Variants in MFHAS1 observed in about 807,000 individuals in gnomAD.
MFHAS1 encodes malignant fibrous histiocytoma-amplified sequence 1.
MFHAS1 carries 50 observed loss-of-function variants against 70.4 expected under a neutral mutation model. The ratio of observed to expected loss-of-function variants is 0.71; its 90% confidence interval spans 0.57 to 0.90. The LOEUF is 0.90. MFHAS1 is among the 40% of genes least tolerant of loss of function. The pLI, the probability that MFHAS1 is intolerant of heterozygous loss-of-function variation, is 0.00. For synonymous variants in MFHAS1, 952 were observed against 620.0 expected (o/e 1.54, Z -7.96); for missense variants, 1,795 against 1,347.6 (o/e 1.33, Z -5.20).
intron 1 of MFHAS1, among the ~76,000 whole-genome samples, chr8:8,842,330 C>T (rs1585046594): frequency 6.6e-6 from 1 of 152,062 alleles, no homozygotes; most frequent in South Asian, 2.1e-4. Flanking sequence ...GGATTACAGG[C>T]ACCCACCACC....
intron 1 of MFHAS1, among the ~76,000 whole-genome samples, chr8:8,838,260 G>C (rs1313039331): frequency 6.6e-6 from 1 of 152,212 alleles, no homozygotes; most frequent in African/African-American, 2.4e-5. Context: ...GCATGAGGGA[G>C]GCCTGGCTGG....
At chr8:8,790,469 G>A (rs1805683932) in intron 2 of MFHAS1, 4 of 672,614 alleles carry the variant, frequency 5.9e-6, no homozygotes, top group Non-Finnish European at 7.3e-6. Flanking sequence ...GTATCAATGT[G>A]GCTGACGGGA....
At chr8:8,802,647 T>C (rs867261703) in intron 1 of MFHAS1, among the ~76,000 whole-genome samples, 17 of 152,286 alleles carry the variant, frequency 1.1e-4, no homozygotes, top group Admixed American at 3.9e-4. Context: ...AGCAGCTCCT[T>C]GCATGGTGGA....
chr8:8,861,069 G>C (rs1808641896), intron 1 of MFHAS1, among the ~76,000 whole-genome samples: 1 of 152,136 alleles, frequency 6.6e-6, no homozygotes, highest in Non-Finnish European at 1.5e-5. Flanking sequence ...CGTTTCTTGG[G>C]CTGAGGTAAT....
At chr8:8,865,093 T>C (rs1019276502) in intron 1 of MFHAS1, among the ~76,000 whole-genome samples, 1 of 151,924 alleles carries the variant, frequency 6.6e-6, no homozygotes, top group Non-Finnish European at 1.5e-5. Context: ...CTGGCCAACA[T>C]GGTGAAACCC....
intron 1 of MFHAS1, among the ~76,000 whole-genome samples, chr8:8,828,992 C>T (rs1034529283): frequency 6.6e-6 from 1 of 152,196 alleles, no homozygotes; most frequent in African/African-American, 2.4e-5. Context: ...CAGCAGCCTT[C>T]TTCCTACAAT....
chr8:8,834,451 C>T (rs1807525830), intron 1 of MFHAS1, among the ~76,000 whole-genome samples: 1 of 152,222 alleles, frequency 6.6e-6, no homozygotes, highest in Non-Finnish European at 1.5e-5. Flanking sequence ...GTGCCCTATA[C>T]AAGTGCACCA....
intron 2 of MFHAS1, among the ~76,000 whole-genome samples, chr8:8,796,454 C>T (rs1360853140): frequency 6.6e-6 from 1 of 152,164 alleles, no homozygotes; most frequent in Middle Eastern, 3.2e-3. Flanking sequence ...GAGGCCAAGA[C>T]GGGCGGATCC....
In MFHAS1 at chr8:8,785,197, A is replaced by G. The variant is rs1805495682; in HGVS notation, c.*825T>C. On this transcript the variant is annotated 3_prime_UTR_variant, in exon 3 of 3. Coordinates refer to ENST00000276282, the MANE Select transcript of MFHAS1 (RefSeq NM_004225.3). ...CCTCTTTGGCCCCTGAGTGTGCCCC[A>G]TCTCTGCCCAGCACTAATAACACGT... 1 of 152,160 alleles carries G rather than the reference A, an allele frequency of 6.6e-6. No individual in the cohort carries two copies. Among genetic ancestry groups the G allele is most frequent in the Admixed American group, 6.5e-5 (1 of 15,274 alleles). 9.4% of individuals were successfully genotyped at this position (152,160 alleles called of 1,614,324 possible).
At chr8:8,810,108 T>G (rs1051517253) in intron 1 of MFHAS1, among the ~76,000 whole-genome samples, 2 of 152,210 alleles carry the variant, frequency 1.3e-5, no homozygotes, top group Non-Finnish European at 2.9e-5. Context: ...GGCTCGCGCC[T>G]GTAATCCCAT....
Position 8,892,657 on chromosome 8 carries a change from C to G in MFHAS1, c.402G>C (p.Leu134=), listed in dbSNP as rs1266900859. 6.3e-7 allele frequency: 1 copy of G among 1,591,376 alleles called. No homozygotes were observed. The highest frequency in any genetic ancestry group is 8.5e-7 in the Non-Finnish European group (1 of 1,169,630). Residue 134 remains leucine, a synonymous_variant, in exon 1 of 3, where the codon CTG becomes CTC. Transcript: ENST00000276282. The surrounding 1 kb of genome is among the most constrained non-coding windows in gnomAD (Gnocchi z 4.7). Reference sequence around the variant, plus strand: ...TGAGGTTGAGCTTCCGCAGCTCCCTCAGAGCACTCACCACCTCCGCGCCCA... The same window carrying G: ...TGAGGTTGAGCTTCCGCAGCTCCCTGAGAGCACTCACCACCTCCGCGCCCA... ...TALGAEVVSA[L]RELRKLNLSH...
At chr8:8,817,747 T>C (rs140059421) in intron 1 of MFHAS1, among the ~76,000 whole-genome samples, 1 of 152,350 alleles carries the variant, frequency 6.6e-6, no homozygotes, top group East Asian at 1.9e-4. Flanking sequence ...CCACTTCAGA[T>C]CATTAGGCAT....
Position 8,835,142 on chromosome 8 carries a change from C to T in MFHAS1, c.2999-37651G>A, listed in dbSNP as rs576469115. On this transcript the variant is annotated intron_variant, in intron 1 of 2. Transcript: ENST00000276282. Reference sequence around the variant, plus strand: ...GACAGAAAGCAGATGAGTGGTTGTTCGAGGGTGAGCATTAGGGGAGTGAGG... The same window carrying T: ...GACAGAAAGCAGATGAGTGGTTGTTTGAGGGTGAGCATTAGGGGAGTGAGG... Among the ~76,000 whole-genome samples the T allele has an allele frequency of 1.3e-4, 19 of 151,862 alleles. No individual in the cohort carries two copies. In the East Asian group the frequency reaches 2.7e-3, roughly 22 times the overall value.
chr8:8,789,748 C>T (rs116998288), intron 2 of MFHAS1, among the ~76,000 whole-genome samples: 193 of 152,292 alleles, frequency 1.3e-3, no homozygotes, highest in Non-Finnish European at 2.3e-3. Flanking sequence ...CCAATACAAA[C>T]CAACTAATCC....
intron 1 of MFHAS1, among the ~76,000 whole-genome samples, chr8:8,878,220 G>C: frequency 6.6e-6 from 1 of 152,170 alleles, no homozygotes; most frequent in East Asian, 1.9e-4. Flanking sequence ...AGGTGAGCTG[G>C]TGTACTCTGG....
chr8:8,834,641 G>A (rs897762202), intron 1 of MFHAS1, among the ~76,000 whole-genome samples: 1 of 152,222 alleles, frequency 6.6e-6, no homozygotes, highest in Non-Finnish European at 1.5e-5. Flanking sequence ...GTTGTAACAT[G>A]TAAGTTATGT....
intron 1 of MFHAS1, among the ~76,000 whole-genome samples, chr8:8,842,708 G>A (rs1250121153): frequency 1.3e-5 from 2 of 152,218 alleles, no homozygotes; most frequent in Admixed American, 6.5e-5. Flanking sequence ...CATCCATTTT[G>A]AGCAAGGTGC....
chr8:8,886,173 T>C (rs1184676271), intron 1 of MFHAS1, among the ~76,000 whole-genome samples: 1 of 152,114 alleles, frequency 6.6e-6, no homozygotes, highest in Non-Finnish European at 1.5e-5. Flanking sequence ...TGGATGTGCA[T>C]TTTCCAATCA....
chr8:8,807,430 G>A (rs4841044), intron 1 of MFHAS1, among the ~76,000 whole-genome samples: 99,305 of 151,936 alleles, frequency 0.65, 33,201 homozygotes, highest in East Asian at 0.84. Flanking sequence ...TCTCAAAAGA[G>A]CTGTCTACAT....
Sources: gnomAD v4.1 joint callset for allele counts (sites outside exome capture counted in the v4.1 genomes callset) on GRCh38, gnomAD v4.1.1 for gene constraint, Gnocchi (gnomAD v3.1) non-coding constraint, MANE v1.5 for transcripts, NCBI Gene and HGNC (gene_info 2026-07-23, HGNC 2026-07-21) for gene names.